GRM8: variants seen among roughly 807,000 people sequenced by gnomAD.
The protein encoded by GRM8 is metabotropic glutamate receptor 8.
GRM8 carries 47 observed loss-of-function variants against 87.2 expected under a neutral mutation model. The observed-to-expected ratio is 0.54, with a 90% CI of 0.43 to 0.69. GRM8 has a LOEUF of 0.69. GRM8 is among the 30% of genes least tolerant of loss of function. GRM8 has a pLI of 0.00. For synonymous variants in GRM8, 396 were observed against 404.5 expected (o/e 0.98, Z 0.25); for missense variants, 1,019 against 1,139.2 (o/e 0.89, Z 1.52).
intron 3 of GRM8, among the ~76,000 whole-genome samples, chr7:127,066,688 A>G (rs1275916346): frequency 6.6e-6 from 1 of 152,138 alleles, no homozygotes. Context: ...TTGAAACTGT[A>G]TATTATTAAC....
At chr7:126,951,923 T>C (rs1289056565) in intron 3 of GRM8, among the ~76,000 whole-genome samples, 1 of 151,944 alleles carries the variant, frequency 6.6e-6, no homozygotes, top group African/African-American at 2.4e-5. Context: ...ATTTCCTGGC[T>C]CTGCCTGCTG....
intron 6 of GRM8, among the ~76,000 whole-genome samples, chr7:126,799,745 T>A (rs948381346): frequency 6.6e-6 from 1 of 152,156 alleles, no homozygotes; most frequent in African/African-American, 2.4e-5. Context: ...GCAGGCATTC[T>A]ATAAATGTGG....
At chr7:126,456,716 G>A (rs76593243) in intron 9 of GRM8, among the ~76,000 whole-genome samples, 2,657 of 151,116 alleles carry the variant, frequency 0.018, 32 homozygotes, top group Non-Finnish European at 0.023. Flanking sequence ...ACTTATCCTC[G>A]AATTATCCCA....
intron 3 of GRM8, among the ~76,000 whole-genome samples, chr7:127,046,744 T>C (rs1818963342): frequency 6.6e-6 from 1 of 152,224 alleles, no homozygotes; most frequent in Non-Finnish European, 1.5e-5. Flanking sequence ...TATGAACAAA[T>C]TTACTTTCTT....
intron 3 of GRM8, among the ~76,000 whole-genome samples, chr7:126,996,106 A>G (rs1813153787): frequency 6.6e-6 from 1 of 152,124 alleles, no homozygotes; most frequent in South Asian, 2.1e-4. Flanking sequence ...ATTCTGTGAA[A>G]ATATCCTTCA....
chr7:127,107,907 G>A (rs1825967916), intron 2 of GRM8, among the ~76,000 whole-genome samples: 1 of 152,192 alleles, frequency 6.6e-6, no homozygotes, highest in Non-Finnish European at 1.5e-5. Context: ...CAGCAGCAGA[G>A]CAATGTGCTT....
intron 2 of GRM8, among the ~76,000 whole-genome samples, chr7:127,133,134 C>A (rs1452337649): frequency 2.6e-5 from 4 of 150,962 alleles, no homozygotes; most frequent in African/African-American, 9.8e-5. Context: ...AAGACCCTGT[C>A]TCGGGCCAAG....
chr7:127,051,738 GCAAAAAAAAAA>G (rs1368811261), intron 3 of GRM8, among the ~76,000 whole-genome samples: 62 of 13,054 alleles, frequency 4.7e-3, no homozygotes, highest in African/African-American at 0.011. Flanking sequence ...ATAATGTTGA[GCAAAAAAAAAA>G]AAAAAAAAAA....
Position 126,933,358 on chromosome 7 carries a change from T to C in GRM8, c.728-28675A>G, listed in dbSNP as rs10271569. On this transcript the variant is annotated intron_variant, in intron 3 of 10. Coordinates refer to ENST00000339582, the MANE Select transcript of GRM8 (RefSeq NM_000845.3). ...AAGAGTTAAGAACATAGATTAAGGA[T>C]TGGATGAATGTTATCTGGAAATTTC... Among the ~76,000 whole-genome samples the C allele has an allele frequency of 1.5e-3, 225 of 152,264 alleles. 2 individuals carry two copies. Among genetic ancestry groups the C allele is most frequent in the African/African-American group, 5.1e-3 (210 of 41,552 alleles).
intron 3 of GRM8, among the ~76,000 whole-genome samples, chr7:126,919,618 A>T (rs1804299459): frequency 6.6e-6 from 1 of 152,074 alleles, no homozygotes; most frequent in African/African-American, 2.4e-5. Flanking sequence ...AAAAAAAAAA[A>T]ATGAAAGGAG....
At chr7:127,040,247 G>A (rs972178085) in intron 3 of GRM8, among the ~76,000 whole-genome samples, 6 of 151,988 alleles carry the variant, frequency 3.9e-5, no homozygotes, top group Admixed American at 6.5e-5. Flanking sequence ...AACAGTTCAC[G>A]GGCAGCATTG....
chr7:126,533,044 C>A lies in GRM8; in HGVS notation c.2338G>T (p.Ala780Ser). 6.2e-7 allele frequency: 1 copy of A among 1,613,510 alleles called. No homozygotes were observed. The highest frequency in any genetic ancestry group is 8.5e-7 in the Non-Finnish European group (1 of 1,179,808). The change falls in exon 9 of 11, where the codon GCC becomes TCC. Residue 780 changes from alanine (A) to serine (S), a missense_variant. Transcript: ENST00000339582. ...TACATGGTAAATCCAATAGGTTTGGCTTCATTGAAAGTCTCTGGGACACCT... is the reference window on the plus strand; with the variant it reads ...TACATGGTAAATCCAATAGGTTTGGATTCATTGAAAGTCTCTGGGACACCT... ...TRGVPETFNE[A>S]KPIGFTMYTT...
At position 126,708,925 on chromosome 7, in the gene GRM8, T is replaced by C. The variant is rs189388401; in HGVS notation, c.1357+60940A>G. ...TTGTAAAACATGGTGATATAGTTAA[T>C]AAAATGTATTCTACCCTTGAAAACT... is the stretch of plus-strand genomic sequence containing the variant. On this transcript the variant is annotated intron_variant, in intron 7 of 10. Coordinates refer to ENST00000339582, the MANE Select transcript of GRM8 (RefSeq NM_000845.3). Among the ~76,000 whole-genome samples, 10 of 152,226 alleles carry C rather than the reference T, an allele frequency of 6.6e-5. No homozygotes were observed. In the East Asian group the frequency reaches 1.9e-3, roughly 29 times the overall value.
chr7:126,797,503 C>T (rs145396344), intron 6 of GRM8, among the ~76,000 whole-genome samples: 133 of 152,048 alleles, frequency 8.7e-4, no homozygotes, highest in African/African-American at 3.2e-3. Flanking sequence ...AATACCATGC[C>T]ATGCTCCATG....
intron 8 of GRM8, among the ~76,000 whole-genome samples, chr7:126,605,262 TAATAA>T (rs1196372153): frequency 6.6e-6 from 1 of 152,132 alleles, no homozygotes; most frequent in East Asian, 1.9e-4. Flanking sequence ...AGATTCTGCC[TAATAA>T]AATAGAGAGA....
Position 126,794,171 on chromosome 7 carries a change from A to T in GRM8, c.1157-24106T>A, listed in dbSNP as rs190687789. 3.9e-4 allele frequency among the ~76,000 whole-genome samples: 58 copies of T among 148,312 alleles called. No individual in the cohort carries two copies. In the East Asian group the frequency reaches 8.6e-3, roughly 22 times the overall value. On this transcript the variant is annotated intron_variant, in intron 6 of 10. Transcript: ENST00000339582. ...ACTGAAACCACATAAAAAATAAAAT[A>T]AAAAAAAAAGCCCTTAGCACTAGCA...
chr7:127,085,847 G>T (rs1823411114), intron 3 of GRM8, among the ~76,000 whole-genome samples: 1 of 152,140 alleles, frequency 6.6e-6, no homozygotes, highest in Non-Finnish European at 1.5e-5. Flanking sequence ...TGTTGCCATT[G>T]CTTTTGGTGT....
chr7:126,840,593 C>T (rs1290348313), intron 6 of GRM8, among the ~76,000 whole-genome samples: 1 of 152,040 alleles, frequency 6.6e-6, no homozygotes, highest in Non-Finnish European at 1.5e-5. Context: ...TTGGACTTTT[C>T]ATTTAAAAGT....
At chr7:126,517,486 T>C (rs1173237602) in intron 9 of GRM8, among the ~76,000 whole-genome samples, 2 of 152,042 alleles carry the variant, frequency 1.3e-5, no homozygotes, top group African/African-American at 4.8e-5. Context: ...ACAATTTGTG[T>C]CAAGCATCCA....
Sources: allele counts gnomAD v4.1 joint callset (sites outside exome capture counted in the v4.1 genomes callset), GRCh38; gene constraint gnomAD v4.1.1; transcripts MANE v1.5; gene names NCBI Gene and HGNC (gene_info 2026-07-23, HGNC 2026-07-21).